Variants in ATG13 observed in about 807,000 individuals in gnomAD.
ATG13 encodes autophagy-related protein 13.
ATG13 carries 23 observed loss-of-function variants against 65.5 expected under a neutral mutation model. That is an observed-to-expected ratio of 0.35 (90% CI 0.25 to 0.50). The LOEUF (loss-of-function observed/expected upper bound fraction) is 0.50, where lower values mean the gene tolerates loss of function less well. ATG13 is among the 20% of genes least tolerant of loss of function. The pLI is 0.98. For synonymous variants in ATG13, 252 were observed against 245.2 expected (o/e 1.03, Z -0.26); for missense variants, 566 against 677.0 (o/e 0.84, Z 1.82).
At chr11:46,634,345 G>A (rs1374856928) in intron 2 of ATG13, among the ~76,000 whole-genome samples, 4 of 151,654 alleles carry the variant, frequency 2.6e-5, no homozygotes, top group Non-Finnish European at 5.9e-5. Flanking sequence ...TGATCCACCG[G>A]CCTCGGCCTC....
chr11:46,624,073 C>T (rs568652060), intron 1 of ATG13, among the ~76,000 whole-genome samples: 2 of 150,986 alleles, frequency 1.3e-5, no homozygotes, highest in East Asian at 2.0e-4. Flanking sequence ...GGCGCAATCT[C>T]GGCTCCCTGC....
At chr11:46,627,215 A>G (rs2049986096) in intron 1 of ATG13, among the ~76,000 whole-genome samples, 1 of 152,276 alleles carries the variant, frequency 6.6e-6, no homozygotes, top group East Asian at 1.9e-4. Context: ...CCCTATCTCT[A>G]CAAAAATATG....
At chr11:46,649,990 CT>C (rs1380963863) in intron 6 of ATG13, among the ~76,000 whole-genome samples, 186 bp from the exon 7 acceptor site, 2 of 152,010 alleles carry the variant, frequency 1.3e-5, no homozygotes, top group Non-Finnish European at 2.9e-5. Flanking sequence ...TATTGGGTGC[CT>C]TTTGGTGCTC....
At chr11:46,621,752 G>A in intron 1 of ATG13, among the ~76,000 whole-genome samples, 1 of 151,806 alleles carries the variant, frequency 6.6e-6, no homozygotes, top group East Asian at 1.9e-4. Flanking sequence ...CTTTATGCAG[G>A]GTACAGGGCT....
In ATG13 at chr11:46,672,277, CTG is replaced by C; in HGVS notation, c.1601_1602del (p.Val534AlafsTer2). On this transcript the variant is annotated frameshift_variant, in exon 19 of 19. Transcript: ENST00000683050. LOFTEE classifies it high-confidence loss of function. ...CAGGACTCATTACCAGAGAAGCTGG[CTG>C]TGCATGAGAAGAATGTCCGCGAGTT... 1 of 1,614,248 alleles carries C rather than the reference CTG, an allele frequency of 6.2e-7. No homozygotes were observed. Among genetic ancestry groups the C allele is most frequent in the Non-Finnish European group, 8.5e-7 (1 of 1,180,044 alleles).
intron 1 of ATG13, among the ~76,000 whole-genome samples, chr11:46,622,832 G>GTC (rs1460508767): frequency 6.6e-6 from 1 of 152,160 alleles, no homozygotes; most frequent in East Asian, 1.9e-4. Flanking sequence ...ACAAAACTCT[G>GTC]TCATCTTCGG....
intron 1 of ATG13, among the ~76,000 whole-genome samples, chr11:46,623,995 T>G (rs2048604222): frequency 6.6e-6 from 1 of 151,942 alleles, no homozygotes; most frequent in Non-Finnish European, 1.5e-5. Context: ...AAATGTAATT[T>G]TATCAAATTC....
Position 46,668,867 on chromosome 11 carries a change from G to T in ATG13, c.1403G>T (p.Gly468Val). Reference sequence around the variant, plus strand: ...CTGCACTCAGATGGCTCCAGCGGGGGCAGCAGTGGCAATACCCATGATGAC... The same window carrying T: ...CTGCACTCAGATGGCTCCAGCGGGGTCAGCAGTGGCAATACCCATGATGAC... The part of the protein sequence containing the change: ...GSLHSDGSSG[G>V]SSGNTHDDFV... Residue 468 changes from glycine (G) to valine (V), a missense_variant, in exon 17 of 19, where the codon GGC (glycine) becomes GTC (valine). Gly to Val is a moderately radical substitution (Grantham distance 109). This residue lies in a region of ATG13 where 387 missense variants were observed against 409.8 expected (regional missense o/e 0.94). Transcript: ENST00000683050. 1 of 1,613,984 alleles carries T rather than the reference G, an allele frequency of 6.2e-7. No individual in the cohort carries two copies. The highest frequency in any genetic ancestry group is 8.5e-7 in the Non-Finnish European group (1 of 1,180,016).
chr11:46,665,795 T>C (rs2062181842), intron 14 of ATG13, among the ~76,000 whole-genome samples: 1 of 144,304 alleles, frequency 6.9e-6, no homozygotes, highest in Non-Finnish European at 1.5e-5. Flanking sequence ...AATTTATTTT[T>C]CCTTTTTTTT....
At chr11:46,658,890 G>A (rs920341751) in intron 10 of ATG13, among the ~76,000 whole-genome samples, 9 of 152,104 alleles carry the variant, frequency 5.9e-5, no homozygotes, top group African/African-American at 2.2e-4. Flanking sequence ...CAGGTAAGAT[G>A]TTTGGGTTTA....
At chr11:46,659,062 C>T (rs1226034011) in intron 10 of ATG13, among the ~76,000 whole-genome samples, 1 of 152,084 alleles carries the variant, frequency 6.6e-6, no homozygotes, top group African/African-American at 2.4e-5. Context: ...GTGGTACATT[C>T]CTGTAGTCCC....
At chr11:46,671,768 C>T (rs913132411) in intron 18 of ATG13, among the ~76,000 whole-genome samples, 4 of 152,106 alleles carry the variant, frequency 2.6e-5, no homozygotes, top group African/African-American at 9.7e-5. Context: ...AATACAGATT[C>T]CTAGGCCTTA....
At chr11:46,671,438 A>G (rs1009268465) in intron 18 of ATG13, among the ~76,000 whole-genome samples, 51 of 152,168 alleles carry the variant, frequency 3.4e-4, no homozygotes, top group African/African-American at 1.2e-3. Flanking sequence ...CTCAGCTGGT[A>G]TAAAGATAAC....
intron 1 of ATG13, 176 bp from the exon 2 acceptor site, chr11:46,629,861 GTTTATTTA>G (rs559669049): frequency 6.6e-6 from 1 of 152,008 alleles, no homozygotes; most frequent in Non-Finnish European, 1.5e-5. Context: ...TATCTGTTCT[GTTTATTTA>G]TTTATTTATT....
chr11:46,652,760 G>A (rs776580374), intron 7 of ATG13, among the ~76,000 whole-genome samples: 5 of 152,126 alleles, frequency 3.3e-5, no homozygotes, highest in Non-Finnish European at 7.4e-5. Flanking sequence ...TTTAAGCACT[G>A]TATCAGTATT....
chr11:46,666,408 A>T lies in ATG13; in HGVS notation c.1136+889A>T, dbSNP rs192384677. Among the ~76,000 whole-genome samples, 67 of 152,220 alleles carry T rather than the reference A, an allele frequency of 4.4e-4. 2 individuals carry two copies. Among genetic ancestry groups the T allele is most frequent in the Admixed American group, 2.2e-3 (33 of 15,292 alleles). On this transcript the variant is annotated intron_variant, in intron 14 of 18. Coordinates refer to ENST00000683050, the MANE Select transcript of ATG13 (RefSeq NM_001346311.2). Reference sequence around the variant, plus strand: ...TATGTCTGTGTTATAGTTGGGATTGATCTCCTTTTTCTGCTGTGTCAGAGC... The same window carrying T: ...TATGTCTGTGTTATAGTTGGGATTGTTCTCCTTTTTCTGCTGTGTCAGAGC...
chr11:46,672,715 C>T lies in ATG13; in HGVS notation c.*383C>T, dbSNP rs1565651629. 5 of 1,360,810 alleles carry T rather than the reference C, an allele frequency of 3.7e-6. No homozygotes were observed. The highest frequency in any genetic ancestry group is 3.9e-6 in the Non-Finnish European group (4 of 1,028,634). The allele number at this position is 1,360,810 out of a possible 1,614,324, so 84.3% of individuals were successfully genotyped here. A position where few individuals can be genotyped will look rare whatever the true frequency, so the allele number is the denominator to read the frequency against. On this transcript the variant is annotated 3_prime_UTR_variant, in exon 19 of 19. Coordinates refer to ENST00000683050, the MANE Select transcript of ATG13 (RefSeq NM_001346311.2). ...CTGGCCCCTTCCCTGCCTGCTGTCA[C>T]CATCCACTGTTTGACATTCCAGCTG...
intron 13 of ATG13, 61 bp downstream of exon 13, chr11:46,665,020 A>G (rs1200006563): frequency 5.5e-6 from 8 of 1,458,978 alleles, no homozygotes; most frequent in African/African-American, 2.8e-5. Flanking sequence ...CCCGGAGGCA[A>G]TTGAGGGGTC....
In ATG13 at chr11:46,665,067, C is replaced by G. The variant is rs1262373055; in HGVS notation, c.999+108C>G. The G allele has an allele frequency of 2.6e-6, 3 of 1,144,082 alleles. No homozygotes were observed. The African/African-American group carries it at 4.7e-5, about 18-fold the overall frequency. 70.9% of individuals were successfully genotyped at this position (1,144,082 alleles called of 1,614,324 possible). Reference sequence around the variant, plus strand: ...AGGGATATGTTCTAAGTGCTATATTCTGAAGCAAAACTCTTTCGTGACTTC... The same window carrying G: ...AGGGATATGTTCTAAGTGCTATATTGTGAAGCAAAACTCTTTCGTGACTTC... On this transcript the variant is annotated intron_variant, in intron 13 of 18. Coordinates refer to ENST00000683050, the MANE Select transcript of ATG13 (RefSeq NM_001346311.2).
Sources: gnomAD v4.1 joint callset for allele counts (sites outside exome capture counted in the v4.1 genomes callset) on GRCh38, gnomAD v4.1.1 for gene constraint, gnomAD v4.1.1 regional missense constraint, MANE v1.5 for transcripts, NCBI Gene and HGNC (gene_info 2026-07-23, HGNC 2026-07-21) for gene names.